Variants in HEMGN observed in about 807,000 individuals in gnomAD.
HEMGN encodes hemogen.
HEMGN carries 32 observed loss-of-function variants against 45.7 expected under a neutral mutation model. The observed-to-expected ratio is 0.70, with a 90% CI of 0.53 to 0.94. HEMGN has a LOEUF of 0.94. Among genes scored for constraint, HEMGN ranks in the 40% least tolerant of loss-of-function variants. The probability of loss-of-function intolerance (pLI) is 0.00; values close to 1 mark genes in which losing one functional copy is unlikely to be tolerated. For missense variants in HEMGN, 530 were observed against 564.2 expected (o/e 0.94, Z 0.61); for synonymous variants, 183 against 178.6 (o/e 1.02, Z -0.20).
intron 1 of HEMGN, among the ~76,000 whole-genome samples, chr9:97,943,296 A>T (rs961478194): frequency 6.6e-6 from 1 of 152,214 alleles, no homozygotes; most frequent in South Asian, 2.1e-4. Context: ...ATGGAAGGGA[A>T]CACAATGGAC....
intron 2 of HEMGN, among the ~76,000 whole-genome samples, chr9:97,935,153 C>T (rs940008224): frequency 2.0e-5 from 3 of 152,224 alleles, no homozygotes; most frequent in Non-Finnish European, 4.4e-5. Flanking sequence ...AACACAACCC[C>T]CACATTATAC....
At chr9:97,941,967 G>A (rs1261094266), upstream of HEMGN, among the ~76,000 whole-genome samples, 1 of 152,154 alleles carries the variant, frequency 6.6e-6, no homozygotes, top group African/African-American at 2.4e-5. Context: ...TTGGCCAAGG[G>A]CATGCAGATG....
Position 97,930,088 on chromosome 9 carries a change from T to C in HEMGN, c.1307A>G (p.Gln436Arg). The change falls in exon 3 of 4, where the codon CAG becomes CGG. Residue 436 changes from glutamine to arginine, a missense_variant. Physicochemically the swap from Gln to Arg is conservative, Grantham distance 43. Transcript: ENST00000616898. ...ATCTTCCTGGTGTGCTTTAGGATCC[T>C]GGCCTTGGGGCCCACCTGTTTCTTG... ...PHQETGGPQGQDPKAHQEDAK... is the reference protein window; with the variant it reads ...PHQETGGPQGRDPKAHQEDAK... The C allele has an allele frequency of 6.2e-7, 1 of 1,614,150 alleles. No individual in the cohort carries two copies.
At chr9:97,937,644 A>C (rs1827086564) in intron 1 of HEMGN, among the ~76,000 whole-genome samples, 2 of 152,158 alleles carry the variant, frequency 1.3e-5, no homozygotes, top group Non-Finnish European at 2.9e-5. Flanking sequence ...TATTCAAAGA[A>C]GGAGTCTCTG....
At chr9:97,940,941 G>A (rs1827142972), upstream of HEMGN, among the ~76,000 whole-genome samples, 1 of 152,144 alleles carries the variant, frequency 6.6e-6, no homozygotes, top group African/African-American at 2.4e-5. Context: ...CTGTGTCAGA[G>A]CTCTTTCTAC....
intron 1 of HEMGN, among the ~76,000 whole-genome samples, chr9:97,944,506 C>T (rs1261626859): frequency 6.6e-6 from 1 of 152,204 alleles, no homozygotes; most frequent in East Asian, 1.9e-4. Flanking sequence ...TCATTGGAAG[C>T]ATTGGAAAAG....
chr9:97,937,413 A>AT (rs796537065), intron 1 of HEMGN, among the ~76,000 whole-genome samples: 15 of 151,880 alleles, frequency 9.9e-5, no homozygotes, highest in South Asian at 8.4e-4. Flanking sequence ...GAAATCACAT[A>AT]TTTTTTTATC....
rs1482895623 is a variant in HEMGN, at chr9:97,930,449, G to C, written c.946C>G (p.Gln316Glu). 1.2e-6 allele frequency: 2 copies of C among 1,614,050 alleles called. No individual in the cohort carries two copies. The highest frequency in any genetic ancestry group is 3.3e-5 in the Admixed American group (2 of 60,006). Residue 316 changes from glutamine (Q) to glutamate (E), a missense_variant, in exon 3 of 4, where the codon CAA becomes GAA. Transcript: ENST00000616898. Reference sequence around the variant, plus strand: ...AGGTATTTAGGTTCAGCTGATTCTTGGTGTGTTTTTGTAGAAAGGTCTTTA... The same window carrying C: ...AGGTATTTAGGTTCAGCTGATTCTTCGTGTGTTTTTGTAGAAAGGTCTTTA... ...EPKDLSTKTH[Q>E]ESAEPKYLPH...
chr9:97,930,583 A>G lies in HEMGN; in HGVS notation c.812T>C (p.Ile271Thr). 6.2e-7 allele frequency: 1 copy of G among 1,614,180 alleles called. No homozygotes were observed. The highest frequency in any genetic ancestry group is 8.5e-7 in the Non-Finnish European group (1 of 1,180,032). The change falls in exon 3 of 4, where the codon ATT becomes ACT. Residue 271 changes from isoleucine (I) to threonine (T), a missense_variant. Physicochemically the swap from Ile to Thr is moderately conservative, Grantham distance 89 (BLOSUM62 -1). Coordinates refer to ENST00000616898, the MANE Select transcript of HEMGN (RefSeq NM_197978.3). ...YPKPDVPKGY[I>T]LDTDQNPAEP... The stretch of plus-strand genomic sequence containing the variant: ...TGCTGGATTTTGGTCTGTGTCAAGA[A>G]TATAGCCTTTAGGCACATCTGGTTT...
Position 97,931,225 on chromosome 9 carries a change from C to A in HEMGN, c.174-4G>T, listed in dbSNP as rs1262563061. 2 of 1,585,812 alleles carry A rather than the reference C, an allele frequency of 1.3e-6. No homozygotes were observed. Among genetic ancestry groups the A allele is most frequent in the South Asian group, 1.2e-5 (1 of 86,120 alleles). On this transcript the variant is annotated splice_polypyrimidine_tract_variant and splice_region_variant and intron_variant, in intron 2 of 3. Coordinates refer to ENST00000616898, the MANE Select transcript of HEMGN (RefSeq NM_197978.3). ...CTGCTTGCGTTTTTTCTGTTCTCTG[C>A]AGAAAGAACAGAATTAGTGTCAGCA...
At chr9:97,934,980 G>T (rs555461908) in intron 2 of HEMGN, among the ~76,000 whole-genome samples, 1 of 152,178 alleles carries the variant, frequency 6.6e-6, no homozygotes, top group East Asian at 1.9e-4. Context: ...GGAGAGCTGC[G>T]CAAGGCTGGT....
chr9:97,928,856 A>G (rs1826886778), intron 3 of HEMGN, among the ~76,000 whole-genome samples: 1 of 152,246 alleles, frequency 6.6e-6, no homozygotes. Context: ...TGCAATACAT[A>G]TTGTAAATGA....
chr9:97,930,576 G>A lies in HEMGN; in HGVS notation c.819C>T (p.Asp273=). The change falls in exon 3 of 4, where the codon GAC becomes GAT. Residue 273 remains aspartate, a synonymous_variant. Coordinates refer to ENST00000616898, the MANE Select transcript of HEMGN (RefSeq NM_197978.3). The stretch of plus-strand genomic sequence containing the variant: ...CTGGTTCTGCTGGATTTTGGTCTGT[G>A]TCAAGAATATAGCCTTTAGGCACAT... ...KPDVPKGYIL[D]TDQNPAEPEE... is the part of the protein sequence containing the mutation. 1 of 1,614,070 alleles carries A rather than the reference G, an allele frequency of 6.2e-7. No individual in the cohort carries two copies. The highest frequency in any genetic ancestry group is 8.5e-7 in the Non-Finnish European group (1 of 1,179,996).
chr9:97,927,557 A>C, intron 3 of HEMGN, 79 bp from the exon 4 acceptor site: 1 of 905,848 alleles, frequency 1.1e-6, no homozygotes, highest in Non-Finnish European at 1.8e-6. Context: ...AGGAAGAAAA[A>C]CTGCTTTACA....
chr9:97,935,189 C>T (rs1017967392), intron 2 of HEMGN, among the ~76,000 whole-genome samples: 7 of 152,188 alleles, frequency 4.6e-5, no homozygotes, highest in South Asian at 2.1e-4. Flanking sequence ...ATTTATCAAT[C>T]GTATGTGAAC....
chr9:97,944,172 G>A (rs567605866), intron 1 of HEMGN, among the ~76,000 whole-genome samples: 5 of 152,292 alleles, frequency 3.3e-5, no homozygotes, highest in South Asian at 2.1e-4. Flanking sequence ...ATATGTCTGA[G>A]TTCTAAGATC....
chr9:97,943,252 G>A (rs1026470259), intron 1 of HEMGN, among the ~76,000 whole-genome samples: 1 of 152,184 alleles, frequency 6.6e-6, no homozygotes, highest in Admixed American at 6.5e-5. Context: ...ATGCACCTGG[G>A]CAATTTCCTA....
At chr9:97,942,775 G>A (rs919183268), upstream of HEMGN, among the ~76,000 whole-genome samples, 3 of 152,172 alleles carry the variant, frequency 2.0e-5, no homozygotes, top group Non-Finnish European at 4.4e-5. Flanking sequence ...TTTAAGATGG[G>A]GGTGAAAAGG....
chr9:97,936,724 C>T (rs989418221), intron 1 of HEMGN, among the ~76,000 whole-genome samples: 1 of 152,140 alleles, frequency 6.6e-6, no homozygotes, highest in African/African-American at 2.4e-5. Context: ...ACGTAGTCTT[C>T]ATAATGATAA....
Sources: gnomAD v4.1 joint callset for allele counts (sites outside exome capture counted in the v4.1 genomes callset) on GRCh38, gnomAD v4.1.1 for gene constraint, MANE v1.5 for transcripts, NCBI Gene and HGNC (gene_info 2026-07-23, HGNC 2026-07-21) for gene names.